The following ITGA3 variants were observed in gnomAD, a reference collection of about 807,000 sequenced individuals.
ITGA3 encodes the protein integrin alpha-3.
In ITGA3, 70 loss-of-function variants were observed where a neutral mutation model predicts 131.1. The ratio of observed to expected loss-of-function variants is 0.53; its 90% CI spans 0.44 to 0.65. The LOEUF (loss-of-function observed/expected upper bound fraction) is 0.65. Ranked by LOEUF, ITGA3 falls within the 30% of genes least tolerant of loss-of-function variation. The pLI is 0.00. For missense variants in ITGA3, 1,098 were observed against 1,388.6 expected, an observed-to-expected ratio of 0.79 and a Z score of 3.33; for synonymous variants, 537 against 571.6, an observed-to-expected ratio of 0.94 and a Z score of 0.86.
chr17:50,062,735 C>T (rs531118412), intron 1 of ITGA3, among the ~76,000 whole-genome samples: 3 of 152,382 alleles, frequency 2.0e-5, no homozygotes, highest in Non-Finnish European at 4.4e-5. Flanking sequence ...AGGTCCCAGG[C>T]AGAAGCTACA....
rs770129619 is a variant in ITGA3 at position 50,076,673 on chromosome 17, G to A, written c.1914G>A (p.Lys638=). 1.6e-5 allele frequency: 26 copies of A among 1,613,214 alleles called. No individual in the cohort carries two copies. The highest frequency in any genetic ancestry group is 1.7e-5 in the Non-Finnish European group (20 of 1,179,708). Reference sequence around the variant, plus strand: ...CCTTCGTGTCAGAGCAGCAGCAGAAGCTGAGCAGGTGGCTGTGGGCCGCCG... The same window carrying A: ...CCTTCGTGTCAGAGCAGCAGCAGAAACTGAGCAGGTGGCTGTGGGCCGCCG... The part of the protein sequence containing the change: ...RAAFVSEQQQ[K]LSRLQYSRDV... The change falls in exon 14 of 26, where the codon AAG becomes AAA. Residue 638 remains lysine (K), a synonymous_variant. Transcript: ENST00000320031.
chr17:50,062,943 G>T lies in ITGA3; in HGVS notation c.207-1134G>T, dbSNP rs569141415. 2.6e-5 allele frequency among the ~76,000 whole-genome samples: 4 copies of T among 152,368 alleles called. No homozygotes were observed. In the South Asian group the frequency reaches 8.3e-4, roughly 32 times the overall value. ...CATTTAGAGGCTGCAGGGAGGTGAT[G>T]TGGGGAGAAAATCTGCTAAAACTGA... On this transcript the variant is annotated intron_variant, in intron 1 of 25. Transcript: ENST00000320031.
intron 1 of ITGA3, among the ~76,000 whole-genome samples, chr17:50,060,752 G>A (rs1365017331): frequency 6.6e-6 from 1 of 152,074 alleles, no homozygotes; most frequent in Non-Finnish European, 1.5e-5. Context: ...CTCCATCTAG[G>A]CATCCCTCCA....
rs368380539 is a variant in ITGA3 at position 50,070,929 on chromosome 17, T to C, written c.750T>C (p.Ile250=). The change falls in exon 5 of 26, where the codon ATT becomes ATC. Residue 250 remains isoleucine (I), a splice_region_variant and synonymous_variant. Coordinates refer to ENST00000320031, the MANE Select transcript of ITGA3 (RefSeq NM_002204.4). The part of the protein sequence containing the change: ...KDPEDQGNLY[I]GYTMQVGSFI... ...CAGAGGACCAAGGAAACCTCTATAT[T>C]GGTGAGTACAGTAGTGGTAGCCCAT... is the stretch of plus-strand genomic sequence containing the variant. 17 of 1,577,692 alleles carry C rather than the reference T, an allele frequency of 1.1e-5. No individual in the cohort carries two copies. In the African/African-American group the frequency reaches 1.8e-4, roughly 16 times the overall value.
chr17:50,087,592 C>CA, intron 23 of ITGA3, 152 bp from the exon 24 acceptor site: 1 of 775,584 alleles, frequency 1.3e-6, no homozygotes, highest in Non-Finnish European at 2.1e-6. Flanking sequence ...GACCTGCTGT[C>CA]AGTGGGGCAG....
intron 23 of ITGA3, chr17:50,086,428 C>G (rs59783183): frequency 2.0e-5 from 3 of 151,188 alleles, no homozygotes; most frequent in Non-Finnish European, 1.5e-5. Context: ...GTGGCTCACA[C>G]CTGTAATCCC....
chr17:50,075,309 A>T (rs959050002), intron 10 of ITGA3, 150 bp from the exon 11 acceptor site: 5 of 723,576 alleles, frequency 6.9e-6, no homozygotes, highest in African/African-American at 3.5e-5. Context: ...GGTCAGGGAC[A>T]CCACAGACCT....
intron 18 of ITGA3, 122 bp downstream of exon 18, chr17:50,078,406 A>C: frequency 2.8e-6 from 2 of 714,404 alleles, no homozygotes; most frequent in Non-Finnish European, 2.4e-6. Flanking sequence ...TCAGGCCTCC[A>C]CTTTCCCTGG....
At chr17:50,057,745 C>T (rs1406780238) in intron 1 of ITGA3, among the ~76,000 whole-genome samples, 2 of 152,180 alleles carry the variant, frequency 1.3e-5, no homozygotes, top group African/African-American at 4.8e-5. Context: ...GACGTGGTCA[C>T]ATCCAGGGTA....
At chr17:50,085,169 T>C (rs1355698685) in intron 23 of ITGA3, among the ~76,000 whole-genome samples, 1 of 149,080 alleles carries the variant, frequency 6.7e-6, no homozygotes, top group Non-Finnish European at 1.5e-5. Flanking sequence ...ACCACTGCAC[T>C]CCAGCCTGGG....
chr17:50,059,678 G>A (rs571323000), intron 1 of ITGA3, among the ~76,000 whole-genome samples: 1 of 152,312 alleles, frequency 6.6e-6, no homozygotes, highest in East Asian at 1.9e-4. Context: ...GGGGAAGCCT[G>A]ATCTTGTAGA....
chr17:50,087,953 G>A (rs1401431753), intron 24 of ITGA3, 84 bp downstream of exon 24: 14 of 1,461,064 alleles, frequency 9.6e-6, no homozygotes, highest in Admixed American at 2.2e-5. Flanking sequence ...TCCCCATCCT[G>A]GTCCTCCCTT....
At chr17:50,070,378 G>A (rs191135353) in intron 4 of ITGA3, among the ~76,000 whole-genome samples, 4 of 152,242 alleles carry the variant, frequency 2.6e-5, no homozygotes, top group Non-Finnish European at 5.9e-5. Flanking sequence ...AGGCACAGTG[G>A]CTGACACCTG....
chr17:50,081,159 T>C (rs781592391), intron 22 of ITGA3, 151 bp from the exon 23 acceptor site: 1 of 596,266 alleles, frequency 1.7e-6, no homozygotes, highest in Admixed American at 2.9e-5. Context: ...CGCATTTGTG[T>C]GTGGAGGGGA....
At chr17:50,074,664 G>A (rs1680560301) in intron 10 of ITGA3, 130 bp downstream of exon 10, 1 of 677,948 alleles carries the variant, frequency 1.5e-6, no homozygotes, top group Non-Finnish European at 2.5e-6. Flanking sequence ...GCCAGCATTT[G>A]CCCTCTCTAC....
At position 50,064,625 on chromosome 17, in the gene ITGA3, G is replaced by A. The variant is rs1298338093; in HGVS notation, c.414+18G>A. On this transcript the variant is annotated intron_variant, in intron 3 of 25. Coordinates refer to ENST00000320031, the MANE Select transcript of ITGA3 (RefSeq NM_002204.4). The surrounding 1 kb of genome is among the most constrained non-coding windows in gnomAD (Gnocchi z 4.4). ...GAGTTCTGGTAAGTGGGTGCTCAGT[G>A]TTGGCTCCTCCACCTCTACCCGGCT... 1.2e-6 allele frequency: 2 copies of A among 1,604,072 alleles called. No individual in the cohort carries two copies. The highest frequency in any genetic ancestry group is 1.7e-6 in the Non-Finnish European group (2 of 1,174,944).
Position 50,084,332 on chromosome 17 carries a change from G to A in ITGA3, c.2919+2924G>A, listed in dbSNP as rs533915967. On this transcript the variant is annotated intron_variant, in intron 23 of 25. Transcript: ENST00000320031. ...GATGATAAATTGGTAGATTCTTTTA[G>A]GAGACGAAGTTTTCAGTATCTATTA... Among the ~76,000 whole-genome samples the A allele has an allele frequency of 3.3e-5, 5 of 151,288 alleles. No homozygotes were observed. In the South Asian group the frequency reaches 1.0e-3, roughly 32 times the overall value.
chr17:50,068,273 A>C lies in ITGA3; in HGVS notation c.632A>C (p.Tyr211Ser). Residue 211 changes from tyrosine to serine, a missense_variant, in exon 4 of 26, where the codon TAC becomes TCC. Around this residue, in one of 3 missense-constraint regions of ITGA3, gnomAD observed 356 missense variants for 529.2 expected, o/e 0.67. Transcript: ENST00000320031. ...GGTGGCTTCACCCAGAACACTGTGT[A>C]CTTCGGCGCCCCCGGTGCCTACAAC... is the stretch of plus-strand genomic sequence containing the variant. ...TSGGFTQNTV[Y>S]FGAPGAYNWK... The C allele has an allele frequency of 6.2e-7, 1 of 1,613,764 alleles. No homozygotes were observed. The highest frequency in any genetic ancestry group is 2.2e-5 in the East Asian group (1 of 44,884).
At chr17:50,071,812 C>T in intron 6 of ITGA3, 174 bp from the exon 7 acceptor site, 1 of 639,216 alleles carries the variant, frequency 1.6e-6, no homozygotes, top group Non-Finnish European at 2.7e-6. Flanking sequence ...TTTGGTGGGT[C>T]ATATTGGCAT....
Sources: gnomAD v4.1 joint callset for allele counts (sites outside exome capture counted in the v4.1 genomes callset) on GRCh38, gnomAD v4.1.1 for gene constraint, gnomAD v4.1.1 regional missense constraint, Gnocchi (gnomAD v3.1) non-coding constraint, MANE v1.5 for transcripts, NCBI Gene and HGNC (gene_info 2026-07-23, HGNC 2026-07-21) for gene names.